Variants in CEP128 observed in about 807,000 individuals in gnomAD.
CEP128 encodes the protein centrosomal protein 128kDa.
Under a neutral mutation model 156.7 loss-of-function variants are expected in CEP128, and 132 were observed. The observed-to-expected ratio is 0.84, with a 90% confidence interval of 0.73 to 0.97. The LOEUF (loss-of-function observed/expected upper bound fraction) is 0.97. Among genes scored for constraint, CEP128 ranks in the 50% least tolerant of loss-of-function variants. CEP128 has a pLI of 0.00. For missense variants in CEP128, 1,252 were observed against 1,281.9 expected (o/e 0.98, Z 0.36); for synonymous variants, 469 against 448.9 (o/e 1.04, Z -0.57).
intron 19 of CEP128, among the ~76,000 whole-genome samples, chr14:80,617,880 T>C (rs1395408969): frequency 1.3e-5 from 2 of 152,258 alleles, no homozygotes; most frequent in African/African-American, 2.4e-5. Flanking sequence ...TTGGTTAAAC[T>C]ATAAGCTCTA....
At chr14:80,637,225 C>A (rs1894222751) in intron 19 of CEP128, among the ~76,000 whole-genome samples, 1 of 152,088 alleles carries the variant, frequency 6.6e-6, no homozygotes, top group Non-Finnish European at 1.5e-5. Context: ...AGAATTTTGG[C>A]CCCCAAAGAT....
At chr14:80,634,068 A>T (rs763846818) in intron 19 of CEP128, among the ~76,000 whole-genome samples, 1 of 152,194 alleles carries the variant, frequency 6.6e-6, no homozygotes, top group African/African-American at 2.4e-5. Flanking sequence ...GAGGCTAGAA[A>T]TTTGGGTCAC....
intron 15 of CEP128, among the ~76,000 whole-genome samples, chr14:80,781,931 T>C (rs1477455821): frequency 1.3e-5 from 2 of 152,210 alleles, no homozygotes; most frequent in South Asian, 2.1e-4. Context: ...ACCTAAATAA[T>C]GGTGATAAGA....
At chr14:80,779,628 A>G (rs74987814) in intron 15 of CEP128, among the ~76,000 whole-genome samples, 10,032 of 152,184 alleles carry the variant, frequency 0.066, 358 homozygotes, top group Non-Finnish European at 0.075. Flanking sequence ...CCCCTCCCCA[A>G]TGATGTCTCA....
chr14:80,927,960 C>T (rs1885243405), intron 2 of CEP128, among the ~76,000 whole-genome samples: 1 of 152,176 alleles, frequency 6.6e-6, no homozygotes, highest in African/African-American at 2.4e-5. Flanking sequence ...CACATCGCTA[C>T]TACAACCAGC....
chr14:80,517,571 T>C (rs1272504138), intron 23 of CEP128, among the ~76,000 whole-genome samples: 1 of 152,244 alleles, frequency 6.6e-6, no homozygotes, highest in Non-Finnish European at 1.5e-5. Flanking sequence ...TTTCATTCTG[T>C]TGTGGATAGA....
At chr14:80,839,146 C>A (rs1886231361) in intron 10 of CEP128, among the ~76,000 whole-genome samples, 1 of 152,200 alleles carries the variant, frequency 6.6e-6, no homozygotes, top group African/African-American at 2.4e-5. Flanking sequence ...AAACTCCTAA[C>A]ATGCCTAGAT....
intron 2 of CEP128, among the ~76,000 whole-genome samples, chr14:80,919,656 G>T (rs977008952): frequency 6.6e-6 from 1 of 151,900 alleles, no homozygotes; most frequent in African/African-American, 2.4e-5. Context: ...AGATACGGGG[G>T]CATCTGAATT....
intron 8 of CEP128, among the ~76,000 whole-genome samples, chr14:80,866,557 T>C (rs1040844210): frequency 2.2e-4 from 33 of 152,080 alleles, no homozygotes; most frequent in Non-Finnish European, 4.9e-4. Flanking sequence ...CCCAAAAAGA[T>C]ACCAGCAGCA....
chr14:80,830,024 A>G (rs1002368516), intron 13 of CEP128: 10 of 352,848 alleles, frequency 2.8e-5, no homozygotes, highest in Non-Finnish European at 5.1e-5. Context: ...TACCTTTTAG[A>G]TCTATCCAAC....
chr14:80,573,655 C>T lies in CEP128; in HGVS notation c.2856+6719G>A, dbSNP rs183934793. 3.7e-3 allele frequency among the ~76,000 whole-genome samples: 562 copies of T among 152,150 alleles called. 2 individuals are homozygous for T. The highest frequency in any genetic ancestry group is 5.5e-3 in the Non-Finnish European group (373 of 68,006). On this transcript the variant is annotated intron_variant, in intron 20 of 24. Coordinates refer to ENST00000555265, the MANE Select transcript of CEP128 (RefSeq NM_152446.5). Reference sequence around the variant, plus strand: ...GGAATCCTTTTTACTGAGAGTGGGTCCCTGCTCTCATGAGGTCTCTTGATG... The same window carrying T: ...GGAATCCTTTTTACTGAGAGTGGGTTCCTGCTCTCATGAGGTCTCTTGATG...
chr14:80,605,249 T>C (rs1892731541), intron 19 of CEP128, among the ~76,000 whole-genome samples: 1 of 152,090 alleles, frequency 6.6e-6, no homozygotes, highest in South Asian at 2.1e-4. Context: ...GTGTTAGTTG[T>C]TGCCTCCTAG....
intron 8 of CEP128, among the ~76,000 whole-genome samples, chr14:80,872,610 T>G (rs1310154846): frequency 6.6e-6 from 1 of 152,242 alleles, no homozygotes; most frequent in African/African-American, 2.4e-5. Flanking sequence ...TTTCACTTTA[T>G]GTATGTACAA....
At chr14:80,527,144 G>C in intron 22 of CEP128, 162 bp from the exon 23 acceptor site, 2 of 542,410 alleles carry the variant, frequency 3.7e-6, no homozygotes, top group Non-Finnish European at 3.3e-6. Flanking sequence ...AGAGAAAGAA[G>C]AAGGCTACAC....
chr14:80,920,808 C>A (rs1370228846), intron 2 of CEP128, among the ~76,000 whole-genome samples: 1 of 152,176 alleles, frequency 6.6e-6, no homozygotes, highest in East Asian at 1.9e-4. Flanking sequence ...GGGGAAGGAG[C>A]ACTCCTACAC....
In CEP128 at chr14:80,743,187, G is replaced by A. The variant is rs1320878099; in HGVS notation, c.2694C>T (p.Cys898=). ...CAGTCAAATTCCTGAGTTGTTGTCT[G>A]CAGAGCATCAGCTGGTGTCGCAGAT... ...EKNLRHQLML[C]RQQLRNLTEN... The change falls in exon 19 of 25, where the codon TGC becomes TGT. Residue 898 remains cysteine, a synonymous_variant. Transcript: ENST00000555265. The A allele has an allele frequency of 3.1e-6, 5 of 1,613,550 alleles. No homozygotes were observed. The South Asian group carries it at 5.5e-5, about 18-fold the overall frequency.
At chr14:80,512,945 T>G (rs1334225405) in intron 23 of CEP128, among the ~76,000 whole-genome samples, 1 of 152,134 alleles carries the variant, frequency 6.6e-6, no homozygotes, top group Non-Finnish European at 1.5e-5. Context: ...AAAGATGTAT[T>G]TGTTTTTATT....
intron 15 of CEP128, among the ~76,000 whole-genome samples, chr14:80,782,379 G>A (rs901031724): frequency 1.3e-5 from 2 of 152,172 alleles, no homozygotes; most frequent in Middle Eastern, 3.4e-3. Context: ...AACCTCTGAC[G>A]GCAGATTTTT....
intron 6 of CEP128, among the ~76,000 whole-genome samples, chr14:80,904,128 T>C (rs1458199467): frequency 5.3e-5 from 8 of 152,086 alleles, no homozygotes; most frequent in Non-Finnish European, 1.2e-4. Context: ...GAAAATGTAG[T>C]ATATATACAC....
Sources: gnomAD v4.1 joint callset for allele counts (sites outside exome capture counted in the v4.1 genomes callset) on GRCh38, gnomAD v4.1.1 for gene constraint, MANE v1.5 for transcripts, NCBI Gene and HGNC (gene_info 2026-07-23, HGNC 2026-07-21) for gene names.